Variants in SLC5A10 observed in about 807,000 individuals in gnomAD.
The protein encoded by SLC5A10 is solute carrier family 5 member 10, also known as sodium/mannose cotransporter SLC5A10.
In SLC5A10, 55 loss-of-function variants were observed where a neutral mutation model predicts 68.9. That is an observed-to-expected ratio of 0.80 (90% CI 0.64 to 1.00). SLC5A10 has a LOEUF of 1.00. SLC5A10 is among the 50% of genes least tolerant of loss of function. The probability of loss-of-function intolerance (pLI) is 0.00; values close to 1 mark genes in which losing one functional copy is unlikely to be tolerated. For missense variants in SLC5A10, 732 were observed against 819.3 expected, an observed-to-expected ratio of 0.89 and a Z score of 1.30; for synonymous variants, 344 against 344.8, an observed-to-expected ratio of 1.00 and a Z score of 0.02.
chr17:18,982,487 G>A (rs770288845), intron 9 of SLC5A10, among the ~76,000 whole-genome samples: 4 of 152,226 alleles, frequency 2.6e-5, no homozygotes, highest in Admixed American at 1.3e-4. Context: ...GAGGGATGCC[G>A]GGGCTGGCCC....
rs550765572 is a variant in SLC5A10 at position 18,970,943 on chromosome 17, CA to C, written c.641-69del. 3.1e-4 allele frequency: 446 copies of C among 1,459,696 alleles called. 2 individuals carry two copies. The highest frequency in any genetic ancestry group is 3.9e-4 in the Non-Finnish European group (410 of 1,045,042). 90.4% of individuals were successfully genotyped at this position (1,459,696 alleles called of 1,614,324 possible). A position where few individuals can be genotyped will look rare whatever the true frequency, so the allele number is the denominator to read the frequency against. On this transcript the variant is annotated intron_variant, in intron 7 of 14. Transcript: ENST00000395645. ...CAGGAAGTTTCTTGTGAGATGAAGG[CA>C]GGGGGGAGCCCAGGGAGTCAGGGCC... is the stretch of plus-strand genomic sequence containing the variant.
At chr17:18,984,267 G>A (rs113438354) in intron 9 of SLC5A10, among the ~76,000 whole-genome samples, 4 of 151,178 alleles carry the variant, frequency 2.6e-5, no homozygotes, top group East Asian at 1.9e-4. Context: ...GCACGAACCC[G>A]GGAGGCAGAG....
At chr17:18,975,549 C>G (rs375946860) in intron 8 of SLC5A10, among the ~76,000 whole-genome samples, 10 of 152,216 alleles carry the variant, frequency 6.6e-5, no homozygotes, top group African/African-American at 2.4e-4. Context: ...AAAAAATTAG[C>G]CGGGCGTGGT....
chr17:18,951,270 AT>A (rs754504097), upstream of SLC5A10, among the ~76,000 whole-genome samples: 2 of 152,218 alleles, frequency 1.3e-5, no homozygotes, highest in Non-Finnish European at 2.9e-5. Context: ...TGGAATCCAG[AT>A]GGAACTCGTC....
At chr17:18,977,782 A>G (rs752937192) in intron 9 of SLC5A10, 21 of 1,602,232 alleles carry the variant, frequency 1.3e-5, no homozygotes, top group Non-Finnish European at 1.7e-5. Context: ...GCCTCCGGAG[A>G]GGGACTGAGT....
In SLC5A10 at chr17:19,017,164, G is replaced by A. The variant is rs553276001; in HGVS notation, c.1241+1965G>A. 198 of 839,072 alleles carry A rather than the reference G, an allele frequency of 2.4e-4. No homozygotes were observed. Among genetic ancestry groups the A allele is most frequent in the African/African-American group, 2.4e-3 (140 of 59,514 alleles). 52.0% of individuals were successfully genotyped at this position (839,072 alleles called of 1,614,324 possible). A position where few individuals can be genotyped will look rare whatever the true frequency, so the allele number is the denominator to read the frequency against. On this transcript the variant is annotated intron_variant, in intron 11 of 14. Transcript: ENST00000395645. This position sits in a 1 kb window ranked among gnomAD's most constrained non-coding sequence, Gnocchi z 5.6. ...GGAGCAAGGCACAAGGCTGCGTGGT[G>A]CAGGGCAGGTTGCTCACCCTCTCTG...
chr17:18,961,326 G>A (rs1264104178), intron 5 of SLC5A10, among the ~76,000 whole-genome samples: 1 of 152,194 alleles, frequency 6.6e-6, no homozygotes, highest in Non-Finnish European at 1.5e-5. Flanking sequence ...GCTTCATCCA[G>A]CCCCAGGCTT....
chr17:18,994,926 ATTTGCAAC>A (rs2043525352), intron 9 of SLC5A10, among the ~76,000 whole-genome samples: 1 of 152,214 alleles, frequency 6.6e-6, no homozygotes, highest in African/African-American at 2.4e-5. Flanking sequence ...GGGGTCCATA[ATTTGCAAC>A]TCCTACCCTG....
At position 19,017,206 on chromosome 17, in the gene SLC5A10, G is replaced by A; in HGVS notation, c.1241+2007G>A. ...CCCTCTCTGGGCCCCAGTTCTCTCA[G>A]CTGCCAGCTGGATAGAGCAGAAAGG... On this transcript the variant is annotated intron_variant, in intron 11 of 14. Transcript: ENST00000395645. This position sits in a 1 kb window ranked among gnomAD's most constrained non-coding sequence, Gnocchi z 5.6. The A allele has an allele frequency of 7.5e-7, 1 of 1,331,184 alleles. No homozygotes were observed. Among genetic ancestry groups the A allele is most frequent in the East Asian group, 2.5e-5 (1 of 39,704 alleles). The allele number at this position is 1,331,184 out of a possible 1,614,324, so 82.5% of individuals were successfully genotyped here.
chr17:18,958,032 C>G (rs1009259758), intron 1 of SLC5A10, among the ~76,000 whole-genome samples: 1 of 152,210 alleles, frequency 6.6e-6, no homozygotes, highest in Non-Finnish European at 1.5e-5. Context: ...TTGTCAAGGT[C>G]CATCCAAGTT....
intron 9 of SLC5A10, 59 bp downstream of exon 9, chr17:18,977,048 T>C: frequency 6.3e-7 from 1 of 1,596,160 alleles, no homozygotes; most frequent in Non-Finnish European, 8.5e-7. Context: ...TCTGGGACCT[T>C]GTCCTGCAAA....
chr17:19,015,173 C>A lies in SLC5A10; in HGVS notation c.1215C>A (p.Gly405=). The part of the protein sequence containing the change: ...DIWRRLRPRS[G]ERELLLVGRL... ...GGAGGCGGCTGCGTCCCCGCTCCGG[C>A]GAGCGGGAGCTCCTGCTGGTGGGAC... Residue 405 remains glycine, a synonymous_variant, in exon 11 of 15, where the codon GGC becomes GGA. Coordinates refer to ENST00000395645, the MANE Select transcript of SLC5A10 (RefSeq NM_001042450.4). 5.3e-6 allele frequency: 6 copies of A among 1,123,690 alleles called. 1 individual carries two copies. In the East Asian group the frequency reaches 1.8e-4, roughly 34 times the overall value. The allele number at this position is 1,123,690 out of a possible 1,614,324, so 69.6% of individuals were successfully genotyped here.
intron 9 of SLC5A10, among the ~76,000 whole-genome samples, chr17:19,005,886 G>T (rs948437413): frequency 6.6e-6 from 1 of 152,354 alleles, no homozygotes; most frequent in Middle Eastern, 3.4e-3. Context: ...CCTGCCCCAG[G>T]GCCAGAGAGG....
intron 9 of SLC5A10, among the ~76,000 whole-genome samples, chr17:18,989,912 G>A (rs909922290): frequency 6.6e-6 from 1 of 152,186 alleles, no homozygotes; most frequent in Non-Finnish European, 1.5e-5. Flanking sequence ...ACCTTCTCTT[G>A]GACGTTTAGT....
Position 19,020,667 on chromosome 17 carries a change from A to G in SLC5A10, c.*236A>G, listed in dbSNP as rs2044249663. On this transcript the variant is annotated 3_prime_UTR_variant, in exon 15 of 15. Coordinates refer to ENST00000395645, the MANE Select transcript of SLC5A10 (RefSeq NM_001042450.4). ...CAAAGCAGTCAGCATTGGAAGGAAA[A>G]TTAGATTTCTGACGGACATCCTGAT... 3.4e-5 allele frequency: 19 copies of G among 558,424 alleles called. No homozygotes were observed. In the South Asian group the frequency reaches 4.2e-4, roughly 12 times the overall value. 34.6% of individuals were successfully genotyped at this position (558,424 alleles called of 1,614,324 possible).
At chr17:18,977,579 C>G in intron 9 of SLC5A10, 2 of 1,606,124 alleles carry the variant, frequency 1.2e-6, no homozygotes, top group South Asian at 2.2e-5. Flanking sequence ...GGGACCCTGA[C>G]CCACCTGTGC....
chr17:19,003,809 G>A lies in SLC5A10; in HGVS notation c.983-9601G>A. The A allele has an allele frequency of 6.2e-7, 1 of 1,612,800 alleles. No homozygotes were observed. Among genetic ancestry groups the A allele is most frequent in the Non-Finnish European group, 8.5e-7 (1 of 1,179,860 alleles). ...GGGGCCCGTGCCCCGAGGGTCCTCA[G>A]AGCCCGGGTCGTACACCTCGATGGT... On this transcript the variant is annotated intron_variant, in intron 9 of 14. Coordinates refer to ENST00000395645, the MANE Select transcript of SLC5A10 (RefSeq NM_001042450.4). The surrounding 1 kb of genome is among the most constrained non-coding windows in gnomAD (Gnocchi z 4.5).
In SLC5A10 at chr17:19,018,976, A is replaced by C. The variant is rs575874567; in HGVS notation, c.1242-447A>C. On this transcript the variant is annotated intron_variant, in intron 11 of 14. Transcript: ENST00000395645. This position sits in a 1 kb window ranked among gnomAD's most constrained non-coding sequence, Gnocchi z 4.2. Reference sequence around the variant, plus strand: ...ACCAAATGCTTAGTAAGCACCTACTATATGCTGGGAGACACAGCAATGAAC... The same window carrying C: ...ACCAAATGCTTAGTAAGCACCTACTCTATGCTGGGAGACACAGCAATGAAC... The C allele has an allele frequency of 6.1e-6, 1 of 164,526 alleles. No homozygotes were observed. Among genetic ancestry groups the C allele is most frequent in the Admixed American group, 6.2e-5 (1 of 16,206 alleles). The allele number at this position is 164,526 out of a possible 1,614,324, so 10.2% of individuals were successfully genotyped here.
At chr17:18,952,821 C>T (rs1020065800) in intron 1 of SLC5A10, among the ~76,000 whole-genome samples, 1 of 152,144 alleles carries the variant, frequency 6.6e-6, no homozygotes, top group South Asian at 2.1e-4. Flanking sequence ...GTTCTTTCTC[C>T]CTTCATAACA....
Sources: allele counts gnomAD v4.1 joint callset (sites outside exome capture counted in the v4.1 genomes callset), GRCh38; gene constraint gnomAD v4.1.1; non-coding constraint Gnocchi (gnomAD v3.1); transcripts MANE v1.5; gene names NCBI Gene and HGNC (gene_info 2026-07-23, HGNC 2026-07-21).